PPP2R1B: variants seen among roughly 807,000 people sequenced by gnomAD.
PPP2R1B encodes the protein protein phosphatase 2 scaffold subunit Abeta.
PPP2R1B carries 58 observed loss-of-function variants against 72.7 expected under a neutral mutation model. That is an observed-to-expected ratio of 0.80 (90% CI 0.65 to 0.99). PPP2R1B has a LOEUF of 0.99. PPP2R1B is among the 50% of genes least tolerant of loss of function. The pLI is 0.00. For synonymous variants in PPP2R1B, 256 were observed against 264.6 expected (o/e 0.97, Z 0.32); for missense variants, 695 against 733.6 (o/e 0.95, Z 0.61).
At chr11:111,750,200 A>G (rs1233849709) in intron 10 of PPP2R1B, among the ~76,000 whole-genome samples, 10 of 152,264 alleles carry the variant, frequency 6.6e-5, no homozygotes, top group Admixed American at 5.2e-4. Flanking sequence ...TAAATGTACT[A>G]AAATTAAAAA....
the PPP2R1B span, among the ~76,000 whole-genome samples, chr11:111,713,073 G>A: frequency 1.3e-5 from 2 of 152,316 alleles, no homozygotes; most frequent in East Asian, 1.9e-4. Context: ...GCTGAGGCAC[G>A]AGAATGTCTT....
At chr11:111,765,688 G>A in intron 1 of PPP2R1B, 2 of 505,396 alleles carry the variant, frequency 4.0e-6, no homozygotes, top group South Asian at 1.6e-5. Context: ...TGGCAGTGGT[G>A]AAGCAGGTGA....
intron 5 of PPP2R1B, among the ~76,000 whole-genome samples, chr11:111,758,451 G>A (rs1202625229): frequency 2.6e-5 from 4 of 152,208 alleles, no homozygotes; most frequent in African/African-American, 9.6e-5. Context: ...TTAGCTTGGC[G>A]TGGTGGCATG....
chr11:111,701,341 A>G, the PPP2R1B span: 1 of 1,369,180 alleles, frequency 7.3e-7, no homozygotes, highest in Admixed American at 2.4e-5. This position sits in a 1 kb window ranked among gnomAD's most constrained non-coding sequence, Gnocchi z 4.2. Context: ...TAATAAATCC[A>G]GACAGGAATT....
chr11:111,758,161 A>G (rs1463061972), intron 5 of PPP2R1B, among the ~76,000 whole-genome samples: 3 of 152,250 alleles, frequency 2.0e-5, no homozygotes, highest in Non-Finnish European at 4.4e-5. Context: ...ATTTTGGTCG[A>G]ATACAAATAT....
chr11:111,761,438 C>T (rs1555051439), intron 3 of PPP2R1B: 1 of 363,596 alleles, frequency 2.8e-6, no homozygotes, highest in East Asian at 7.2e-5. Flanking sequence ...CAATGTTAGG[C>T]ACCACAAATA....
At chr11:111,691,119 A>G in the PPP2R1B span, among the ~76,000 whole-genome samples, 5 of 152,354 alleles carry the variant, frequency 3.3e-5, no homozygotes, top group East Asian at 3.9e-4. Context: ...TAGTATGTCT[A>G]TTATAATTCT....
intron 11 of PPP2R1B, among the ~76,000 whole-genome samples, chr11:111,746,253 G>C (rs1261273987): frequency 1.3e-5 from 2 of 152,154 alleles, no homozygotes; most frequent in Admixed American, 6.6e-5. Context: ...ACTGGATAAA[G>C]AAAATGTGGC....
chr11:111,734,837 C>T (rs1239426455), downstream of PPP2R1B, among the ~76,000 whole-genome samples: 4 of 152,206 alleles, frequency 2.6e-5, no homozygotes, highest in Non-Finnish European at 4.4e-5. Flanking sequence ...CAGGGCAGCG[C>T]GAAGGCCCTG....
chr11:111,713,498 GT>G, the PPP2R1B span, among the ~76,000 whole-genome samples: 2 of 152,168 alleles, frequency 1.3e-5, no homozygotes, highest in Non-Finnish European at 1.5e-5. Flanking sequence ...GATAATGTGT[GT>G]GAGGTTTGGG....
At chr11:111,723,524 A>G, downstream of PPP2R1B, 2 of 1,609,448 alleles carry the variant, frequency 1.2e-6, no homozygotes, top group Non-Finnish European at 1.7e-6. Flanking sequence ...CTTTCTTCAG[A>G]AGCAGTCTCA....
chr11:111,720,055 T>C, the PPP2R1B span: 1 of 1,546,914 alleles, frequency 6.5e-7, no homozygotes, highest in Non-Finnish European at 8.8e-7. Flanking sequence ...CATGTCATAC[T>C]CCAATTGCCA....
chr11:111,765,936 A>G, intron 1 of PPP2R1B: 3 of 528,434 alleles, frequency 5.7e-6, no homozygotes, highest in South Asian at 4.6e-5. Context: ...CTCGCCCAAG[A>G]GACGCGGCCA....
downstream of PPP2R1B, chr11:111,723,816 C>T (rs776252861): frequency 9.3e-6 from 15 of 1,613,298 alleles, no homozygotes; most frequent in African/African-American, 2.7e-5. Flanking sequence ...CAGCAGCAGC[C>T]GCCACCGCCA....
rs781863833 is a variant in PPP2R1B at position 111,761,047 on chromosome 11, G to C, written c.311C>G (p.Pro104Arg). ...TTCCACAGTTGCCAGATTTTCCAAA[G>C]GAGGCTGAATGGATTAAAAAGGAAA... ...GPDFAHCLLP[P>R]LENLATVEET... Residue 104 changes from proline (P) to arginine (R), a missense_variant, in exon 4 of 15, where the codon CCT (proline) becomes CGT (arginine). Physicochemically the swap from Pro to Arg is moderately radical, Grantham distance 103. Transcript: ENST00000527614. 1 of 1,613,774 alleles carries C rather than the reference G, an allele frequency of 6.2e-7. No individual in the cohort carries two copies. Among genetic ancestry groups the C allele is most frequent in the Non-Finnish European group, 8.5e-7 (1 of 1,179,840 alleles).
rs782414827 is a variant in PPP2R1B at position 111,754,479 on chromosome 11, C to T, written c.1029+20G>A. On this transcript the variant is annotated intron_variant, in intron 8 of 14. Transcript: ENST00000527614. ...TACCTTCATATAAAAGAGAGTGAAACAAAATAAAGTCAGGTTTACCTTTAT... is the reference window on the plus strand; with the variant it reads ...TACCTTCATATAAAAGAGAGTGAAATAAAATAAAGTCAGGTTTACCTTTAT... 4 of 1,585,072 alleles carry T rather than the reference C, an allele frequency of 2.5e-6. No individual in the cohort carries two copies. Among genetic ancestry groups the T allele is most frequent in the East Asian group, 2.3e-5 (1 of 43,912 alleles).
chr11:111,723,483 A>G (rs1379200420), downstream of PPP2R1B: 8 of 1,578,854 alleles, frequency 5.1e-6, no homozygotes, highest in Non-Finnish European at 6.9e-6. Context: ...TTCCTTTGAT[A>G]TTACCAATTT....
the PPP2R1B span, among the ~76,000 whole-genome samples, chr11:111,688,750 GT>G: frequency 2.0e-5 from 3 of 152,020 alleles, no homozygotes; most frequent in African/African-American, 7.2e-5. The surrounding 1 kb of genome is among the most constrained non-coding windows in gnomAD (Gnocchi z 4.2). Flanking sequence ...TATTTACATA[GT>G]CAAAACTCTC....
At chr11:111,716,500 C>T in the PPP2R1B span, among the ~76,000 whole-genome samples, 1 of 152,066 alleles carries the variant, frequency 6.6e-6, no homozygotes, top group African/African-American at 2.4e-5. Flanking sequence ...TTGCTTGAAC[C>T]TGGGAGATGG....
Sources: gnomAD v4.1 joint callset for allele counts (sites outside exome capture counted in the v4.1 genomes callset) on GRCh38, gnomAD v4.1.1 for gene constraint, Gnocchi (gnomAD v3.1) non-coding constraint, MANE v1.5 for transcripts, NCBI Gene and HGNC (gene_info 2026-07-23, HGNC 2026-07-21) for gene names.